Variants in AGER observed in about 807,000 individuals in gnomAD.
The protein encoded by AGER is advanced glycation end product-specific receptor.
AGER carries 46 observed loss-of-function variants against 48.8 expected under a neutral mutation model. The observed-to-expected ratio is 0.94, with a 90% CI of 0.74 to 1.20. The LOEUF (loss-of-function observed/expected upper bound fraction) is 1.20. AGER is among the 50% of genes most tolerant of loss of function. AGER has a pLI of 0.00. For missense variants in AGER, 489 were observed against 515.0 expected, an observed-to-expected ratio of 0.95 and a Z score of 0.49; for synonymous variants, 170 against 199.9, an observed-to-expected ratio of 0.85 and a Z score of 1.26.
rs924126703 is a variant in AGER at position 32,180,996 on chromosome 6, T to C, written c.*147A>G. 2.5e-6 allele frequency: 2 copies of C among 790,624 alleles called. No homozygotes were observed. The highest frequency in any genetic ancestry group is 1.7e-5 in the African/African-American group (1 of 58,116). 49.0% of individuals were successfully genotyped at this position (790,624 alleles called of 1,614,324 possible). On this transcript the variant is annotated 3_prime_UTR_variant, in exon 11 of 11. Coordinates refer to ENST00000375076, the MANE Select transcript of AGER (RefSeq NM_001136.5). ...AGATGTGTCAGGTGTTTAATCATCA[T>C]TGTGGGGGGCTCTGGTTGTAGAAGA...
chr6:32,181,574 T>G lies in AGER; in HGVS notation c.991+32A>C. On this transcript the variant is annotated intron_variant, in intron 9 of 10. Coordinates refer to ENST00000375076, the MANE Select transcript of AGER (RefSeq NM_001136.5). The surrounding 1 kb of genome is among the most constrained non-coding windows in gnomAD (Gnocchi z 4.1). ...CCAGTCACATGTGTTGGGGGCTATC[T>G]TCTGCTTCCCTGACTTTATCAAACC... 3 of 1,613,140 alleles carry G rather than the reference T, an allele frequency of 1.9e-6. No homozygotes were observed. The highest frequency in any genetic ancestry group is 2.5e-6 in the Non-Finnish European group (3 of 1,180,038).
At position 32,182,809 on chromosome 6, in the gene AGER, G is replaced by A. The variant is rs779963882; in HGVS notation, c.691+32C>T. 11 of 1,612,496 alleles carry A rather than the reference G, an allele frequency of 6.8e-6. No homozygotes were observed. Among genetic ancestry groups the A allele is most frequent in the South Asian group, 2.2e-5 (2 of 91,090 alleles). ...GGTCAGACTTCCAGAACGTGCTCACGTGAGCTTGGGGCCCTCCCCACCTAT... is the reference window on the plus strand; with the variant it reads ...GGTCAGACTTCCAGAACGTGCTCACATGAGCTTGGGGCCCTCCCCACCTAT... On this transcript the variant is annotated intron_variant, in intron 6 of 10. Transcript: ENST00000375076. This position sits in a 1 kb window ranked among gnomAD's most constrained non-coding sequence, Gnocchi z 5.1.
chr6:32,184,030 G>A (rs773848585), intron 1 of AGER, 43 bp from the exon 2 acceptor site: 34 of 1,612,266 alleles, frequency 2.1e-5, no homozygotes, highest in Non-Finnish European at 2.8e-5. Context: ...AGGGAATGAG[G>A]GCTAACAAAA....
chr6:32,182,537 A>T lies in AGER; in HGVS notation c.822+31T>A. The T allele has an allele frequency of 6.2e-7, 1 of 1,608,024 alleles. No homozygotes were observed. The highest frequency in any genetic ancestry group is 8.5e-7 in the Non-Finnish European group (1 of 1,176,684). On this transcript the variant is annotated intron_variant, in intron 7 of 10. Coordinates refer to ENST00000375076, the MANE Select transcript of AGER (RefSeq NM_001136.5). The surrounding 1 kb of genome is among the most constrained non-coding windows in gnomAD (Gnocchi z 5.1). The stretch of plus-strand genomic sequence containing the variant: ...CCTGTTGCTAGTTATGGTTCACCCT[A>T]CCTCCCAGCCCCTCTCTCCAGGTCA...
rs1786194219 is a variant in AGER, at chr6:32,181,463, A to G, written c.1006T>C (p.Ser336Pro). Residue 336 changes from serine to proline, a missense_variant, in exon 10 of 11, where the codon TCA becomes CCA. Coordinates refer to ENST00000375076, the MANE Select transcript of AGER (RefSeq NM_001136.5). The surrounding 1 kb of genome is among the most constrained non-coding windows in gnomAD (Gnocchi z 4.1). The part of the protein sequence containing the change: ...EGPTAGSVGG[S>P]GLGTLALALG... ...GCCAGGGCTAGAGTTCCCAGCCCTG[A>G]TCCTCCCACAGAGCCTGTACGGAGA... is the stretch of plus-strand genomic sequence containing the variant. The G allele has an allele frequency of 6.2e-7, 1 of 1,613,240 alleles. No homozygotes were observed. The highest frequency in any genetic ancestry group is 2.2e-5 in the East Asian group (1 of 44,864).
At chr6:32,183,258 A>C (rs1375976688) in intron 4 of AGER, 57 bp from the exon 5 acceptor site, 1 of 1,612,516 alleles carries the variant, frequency 6.2e-7, no homozygotes, top group Non-Finnish European at 8.5e-7. Context: ...CCACACACCC[A>C]CACCCACACA....
At position 32,183,567 on chromosome 6, in the gene AGER, C is replaced by T. The variant is rs1453036075; in HGVS notation, c.343G>A (p.Val115Ile). Residue 115 changes from valine to isoleucine, a missense_variant, in exon 3 of 11, where the codon GTC becomes ATC. Transcript: ENST00000375076. ...NGKETKSNYR[V>I]RVYQIPGKPE... is the part of the protein sequence containing the mutation. ...CTGGAATTCTTACGGTAGACACGGA[C>T]TCGGTAGTTGGACTTGGTCTCCTTT... 1.2e-6 allele frequency: 2 copies of T among 1,613,062 alleles called. No individual in the cohort carries two copies. The highest frequency in any genetic ancestry group is 1.1e-5 in the South Asian group (1 of 91,082).
intron 1 of AGER, 44 bp from the exon 2 acceptor site, chr6:32,184,031 G>T: frequency 6.2e-7 from 1 of 1,612,266 alleles, no homozygotes; most frequent in Non-Finnish European, 8.5e-7. Context: ...GGGAATGAGG[G>T]CTAACAAAAT....
Position 32,181,709 on chromosome 6 carries a change from G to T in AGER, c.965-77C>A. On this transcript the variant is annotated intron_variant, in intron 8 of 10. Coordinates refer to ENST00000375076, the MANE Select transcript of AGER (RefSeq NM_001136.5). The surrounding 1 kb of genome is among the most constrained non-coding windows in gnomAD (Gnocchi z 4.1). ...GGGTTATTTAGTGGGAGCCCCAGTG[G>T]AGTCTTTCCCTTTCTTTTTTTTTTT... The T allele has an allele frequency of 7.0e-7, 1 of 1,427,590 alleles. No individual in the cohort carries two copies. The highest frequency in any genetic ancestry group is 9.6e-7 in the Non-Finnish European group (1 of 1,037,894). The allele number at this position is 1,427,590 out of a possible 1,614,324, so 88.4% of individuals were successfully genotyped here.
chr6:32,181,471 A>G lies in AGER; in HGVS notation c.998T>C (p.Val333Ala). The G allele has an allele frequency of 6.2e-7, 1 of 1,613,180 alleles. No homozygotes were observed. The highest frequency in any genetic ancestry group is 8.5e-7 in the Non-Finnish European group (1 of 1,179,986). The change falls in exon 10 of 11, where the codon GTG (valine) becomes GCG (alanine). Residue 333 changes from valine (V) to alanine (A), a missense_variant. By Grantham distance (64) the Val-to-Ala change is moderately conservative. Coordinates refer to ENST00000375076, the MANE Select transcript of AGER (RefSeq NM_001136.5). This position sits in a 1 kb window ranked among gnomAD's most constrained non-coding sequence, Gnocchi z 4.1. ...TAGAGTTCCCAGCCCTGATCCTCCC[A>G]CAGAGCCTGTACGGAGACAGGGAAA... ...PGEEGPTAGS[V>A]GGSGLGTLAL...
At position 32,181,366 on chromosome 6, in the gene AGER, C is replaced by T. The variant is rs373730068; in HGVS notation, c.1103G>A (p.Arg368His). 2.7e-5 allele frequency: 43 copies of T among 1,612,610 alleles called. No homozygotes were observed. The highest frequency in any genetic ancestry group is 3.3e-5 in the Non-Finnish European group (39 of 1,179,126). Residue 368 changes from arginine (R) to histidine (H), a missense_variant, in exon 10 of 11, where the codon CGC (arginine) becomes CAC (histidine). Coordinates refer to ENST00000375076, the MANE Select transcript of AGER (RefSeq NM_001136.5). This position sits in a 1 kb window ranked among gnomAD's most constrained non-coding sequence, Gnocchi z 4.1. ...CTCCACTCACCTCTCCTCTCCTCGG[C>T]GTTGCCGCCTTTGCCACAAGATGAC... ...IGVILWQRRQ[R>H]RGEERKAPEN...
rs146434120 is a variant in AGER at position 32,181,059 on chromosome 6, T to C, written c.*84A>G. 1.3e-5 allele frequency: 18 copies of C among 1,400,412 alleles called. No individual in the cohort carries two copies. The Middle Eastern group carries it at 6.8e-4, about 53-fold the overall frequency. 86.7% of individuals were successfully genotyped at this position (1,400,412 alleles called of 1,614,324 possible). A position where few individuals can be genotyped will look rare whatever the true frequency, so the allele number is the denominator to read the frequency against. On this transcript the variant is annotated 3_prime_UTR_variant, in exon 11 of 11. Transcript: ENST00000375076. This position sits in a 1 kb window ranked among gnomAD's most constrained non-coding sequence, Gnocchi z 4.1. ...GTGGGGTTATACAGGAGAGAGATTATACAGGAGAGAGTTGGTCTGAGGCCA... is the reference window on the plus strand; with the variant it reads ...GTGGGGTTATACAGGAGAGAGATTACACAGGAGAGAGTTGGTCTGAGGCCA...
At chr6:32,184,053 G>A (rs1786772900) in intron 1 of AGER, 66 bp from the exon 2 acceptor site, 1 of 1,610,702 alleles carries the variant, frequency 6.2e-7, no homozygotes, top group African/African-American at 1.3e-5. Flanking sequence ...TGGACAGGGT[G>A]GGTGAGGGAC....
chr6:32,181,188 C>A lies in AGER; in HGVS notation c.1170G>T (p.Gln390His). 1 of 1,614,222 alleles carries A rather than the reference C, an allele frequency of 6.2e-7. No homozygotes were observed. Among genetic ancestry groups the A allele is most frequent in the Non-Finnish European group, 8.5e-7 (1 of 1,180,040 alleles). Reference protein sequence around the residue: ...EEEEERAELNQSEEPEAGESS... With the variant: ...EEEEERAELNHSEEPEAGESS... ...TCTCGCCTGCCTCAGGTTCCTCCGA[C>A]TGATTCAGTTCTGCACGCTCCTCCT... Residue 390 changes from glutamine (Q) to histidine (H), a missense_variant, in exon 11 of 11, where the codon CAG becomes CAT. Gln to His is a conservative substitution (Grantham distance 24). Transcript: ENST00000375076. The surrounding 1 kb of genome is among the most constrained non-coding windows in gnomAD (Gnocchi z 4.1).
rs142500219 is a variant in AGER, at chr6:32,183,649, C to T, written c.261G>A (p.Pro87=). The change falls in exon 3 of 11, where the codon CCG becomes CCA. Residue 87 remains proline, a synonymous_variant. Transcript: ENST00000375076. ...RVLPNGSLFL[P]AVGIQDEGIF... ...TCCCCTCATCCTGGATCCCGACAGC[C>T]GGAAGGAAGAGGGAGCCGTTGGGAA... 1.1e-5 allele frequency: 17 copies of T among 1,612,934 alleles called. No individual in the cohort carries two copies. Among genetic ancestry groups the T allele is most frequent in the African/African-American group, 1.3e-5 (1 of 74,906 alleles).
At position 32,181,785 on chromosome 6, in the gene AGER, T is replaced by C. The variant is rs535601527; in HGVS notation, c.965-153A>G. The C allele has an allele frequency of 1.2e-6, 1 of 831,238 alleles. No individual in the cohort carries two copies. Among genetic ancestry groups the C allele is most frequent in the Admixed American group, 2.7e-5 (1 of 37,290 alleles). The allele number at this position is 831,238 out of a possible 1,614,324, so 51.5% of individuals were successfully genotyped here. ...CAGGCTGGCATGCAATGGTGCGATC[T>C]TGGCTCATCGCAATCTATGCCTCCT... On this transcript the variant is annotated intron_variant, in intron 8 of 10. Coordinates refer to ENST00000375076, the MANE Select transcript of AGER (RefSeq NM_001136.5). This position sits in a 1 kb window ranked among gnomAD's most constrained non-coding sequence, Gnocchi z 4.1.
intron 1 of AGER, 65 bp from the exon 2 acceptor site, chr6:32,184,052 T>A: frequency 1.2e-6 from 2 of 1,610,732 alleles, no homozygotes; most frequent in South Asian, 1.1e-5. Flanking sequence ...TTGGACAGGG[T>A]GGGTGAGGGA....
rs774744635 is a variant in AGER, at chr6:32,184,214, G to A, written c.9C>T (p.Ala3=). ...GCACCCAGGCTCCAACTGCTGTTCCGGCAGCCATCCTGCTTCCTTCCAGGG... is the reference window on the plus strand; with the variant it reads ...GCACCCAGGCTCCAACTGCTGTTCCAGCAGCCATCCTGCTTCCTTCCAGGG... The part of the protein sequence containing the change: MA[A]GTAVGAWVLV... The change falls in exon 1 of 11, where the codon GCC becomes GCT. Residue 3 remains alanine, a synonymous_variant. Transcript: ENST00000375076. 8.1e-6 allele frequency: 13 copies of A among 1,612,676 alleles called. No homozygotes were observed. Among genetic ancestry groups the A allele is most frequent in the Admixed American group, 1.7e-5 (1 of 59,974 alleles).
At position 32,183,021 on chromosome 6, in the gene AGER, C is replaced by G. The variant is rs756213091; in HGVS notation, c.511G>C (p.Val171Leu). 1 of 1,613,078 alleles carries G rather than the reference C, an allele frequency of 6.2e-7. No homozygotes were observed. The highest frequency in any genetic ancestry group is 8.5e-7 in the Non-Finnish European group (1 of 1,180,012). Residue 171 changes from valine to leucine, a missense_variant and splice_region_variant, in exon 6 of 11, where the codon GTA (valine) becomes CTA (leucine). Coordinates refer to ENST00000375076, the MANE Select transcript of AGER (RefSeq NM_001136.5). ...CTCCTGGTCTGTTCCTTCACAGATA[C>G]TCCTATGATGGGAGGATAAGACAAA... is the stretch of plus-strand genomic sequence containing the variant. Reference protein sequence around the residue: ...GKPLVPNEKGVSVKEQTRRHP... With the variant: ...GKPLVPNEKGLSVKEQTRRHP...
Sources: gnomAD v4.1 joint callset for allele counts on GRCh38, gnomAD v4.1.1 for gene constraint, Gnocchi (gnomAD v3.1) non-coding constraint, MANE v1.5 for transcripts, NCBI Gene and HGNC (gene_info 2026-07-23, HGNC 2026-07-21) for gene names.